The following L3MBTL4 variants were observed in gnomAD, a reference collection of about 807,000 sequenced individuals.
L3MBTL4 encodes the protein lethal(3)malignant brain tumor-like protein 4.
In L3MBTL4, 70 loss-of-function variants were observed where a neutral mutation model predicts 84.5. The observed-to-expected ratio is 0.83, with a 90% confidence interval of 0.68 to 1.01. L3MBTL4 has a LOEUF of 1.01. Ranked by LOEUF, L3MBTL4 falls within the 50% of genes least tolerant of loss-of-function variation. The pLI is 0.00. For synonymous variants in L3MBTL4, 274 were observed against 259.8 expected (o/e 1.05, Z -0.52); for missense variants, 715 against 754.8 (o/e 0.95, Z 0.62).
chr18:6,151,697 A>C (rs1398446444), intron 13 of L3MBTL4, among the ~76,000 whole-genome samples: 1 of 152,136 alleles, frequency 6.6e-6, no homozygotes, highest in Non-Finnish European at 1.5e-5. Context: ...GCCCAGACTA[A>C]TTTTAAAATA....
chr18:6,257,448 G>T (rs1006691783), intron 5 of L3MBTL4, among the ~76,000 whole-genome samples: 1 of 151,998 alleles, frequency 6.6e-6, no homozygotes. Context: ...CTGGAGGTGG[G>T]AAAGAAGGTT....
chr18:5,965,378 T>G (rs949110203), intron 17 of L3MBTL4, among the ~76,000 whole-genome samples: 2 of 152,184 alleles, frequency 1.3e-5, no homozygotes, highest in Admixed American at 6.5e-5. Flanking sequence ...GTGCTTTCAC[T>G]TAACCTTCTG....
intron 1 of L3MBTL4, chr18:6,413,825 G>A (rs1048686457): frequency 6.6e-6 from 1 of 152,260 alleles, no homozygotes; most frequent in Non-Finnish European, 1.5e-5. Context: ...CAATGACCAG[G>A]CCTTCCCTTT....
intron 14 of L3MBTL4, among the ~76,000 whole-genome samples, chr18:6,132,729 A>G (rs540203895): frequency 1.3e-5 from 2 of 152,350 alleles, no homozygotes; most frequent in East Asian, 1.9e-4. Flanking sequence ...AAGAACATCA[A>G]TTAGACCCCA....
chr18:6,291,407 A>G (rs1370601261), intron 4 of L3MBTL4, among the ~76,000 whole-genome samples: 1 of 152,208 alleles, frequency 6.6e-6, no homozygotes, highest in African/African-American at 2.4e-5. Flanking sequence ...CTGAGCAAAA[A>G]GAGCAAAGCT....
At position 6,070,672 on chromosome 18, in the gene L3MBTL4, A is replaced by AG. The variant is rs1474345938; in HGVS notation, c.1444+10208_1444+10209insC. On this transcript the variant is annotated intron_variant, in intron 16 of 18. Transcript: ENST00000317931. ...TCTTTACAAAAAACAAAAAACAAAA[A>AG]ACAAAAAAAACAAAAATTAGCCGGG... Among the ~76,000 whole-genome samples, 33 of 151,698 alleles carry AG rather than the reference A, an allele frequency of 2.2e-4. 2 individuals are homozygous for AG. The highest frequency in any genetic ancestry group is 8.0e-4 in the African/African-American group (33 of 41,418).
intron 4 of L3MBTL4, among the ~76,000 whole-genome samples, chr18:6,293,910 G>A (rs1397501630): frequency 6.6e-6 from 1 of 152,166 alleles, no homozygotes; most frequent in Non-Finnish European, 1.5e-5. Flanking sequence ...GAGGGGACGG[G>A]AGATACACAA....
chr18:6,254,490 A>G (rs981567151), intron 5 of L3MBTL4, among the ~76,000 whole-genome samples: 2 of 149,940 alleles, frequency 1.3e-5, no homozygotes, highest in Non-Finnish European at 2.9e-5. Flanking sequence ...ATTAAACAGA[A>G]CTTGCTACAA....
At chr18:6,221,951 A>C (rs1391582640) in intron 10 of L3MBTL4, among the ~76,000 whole-genome samples, 2 of 152,220 alleles carry the variant, frequency 1.3e-5, no homozygotes, top group African/African-American at 4.8e-5. Flanking sequence ...TCATAGGACC[A>C]AGTGGTCACT....
Position 6,040,677 on chromosome 18 carries a change from G to A in L3MBTL4, c.1444+40204C>T, listed in dbSNP as rs547310234. Among the ~76,000 whole-genome samples, 10 of 152,222 alleles carry A rather than the reference G, an allele frequency of 6.6e-5. No individual in the cohort carries two copies. In the South Asian group the frequency reaches 2.1e-3, roughly 32 times the overall value. On this transcript the variant is annotated intron_variant, in intron 16 of 18. Coordinates refer to ENST00000317931, the MANE Select transcript of L3MBTL4 (RefSeq NM_001330559.2). ...ACAAGGAGTCCTTTGAGTGGCTTAA[G>A]TCACTCAGTGCTTGAAACCTTCATT...
At chr18:6,266,339 T>A (rs528263869) in intron 4 of L3MBTL4, among the ~76,000 whole-genome samples, 11 of 152,346 alleles carry the variant, frequency 7.2e-5, no homozygotes, top group African/African-American at 2.6e-4. Context: ...ATCTATATTT[T>A]AAAAATTATC....
At chr18:6,037,120 T>C (rs1389036436) in intron 16 of L3MBTL4, among the ~76,000 whole-genome samples, 1 of 152,156 alleles carries the variant, frequency 6.6e-6, no homozygotes, top group African/African-American at 2.4e-5. Context: ...GAAGCAGCAA[T>C]CAGCAGTCAG....
chr18:5,989,023 A>G (rs572377414), intron 16 of L3MBTL4, among the ~76,000 whole-genome samples: 1 of 152,324 alleles, frequency 6.6e-6, no homozygotes, highest in South Asian at 2.1e-4. Flanking sequence ...GAGGACTTCC[A>G]CTACTCGCCT....
intron 14 of L3MBTL4, among the ~76,000 whole-genome samples, chr18:6,102,359 T>C (rs2058861666): frequency 6.6e-6 from 1 of 152,174 alleles, no homozygotes; most frequent in Admixed American, 6.5e-5. Context: ...GTCTCTCATC[T>C]CACTCCCTTA....
At chr18:6,177,390 G>C (rs1161643551) in intron 12 of L3MBTL4, among the ~76,000 whole-genome samples, 2 of 152,218 alleles carry the variant, frequency 1.3e-5, no homozygotes, top group African/African-American at 2.4e-5. Flanking sequence ...TGACCCCACT[G>C]ATAGGAAATC....
intron 1 of L3MBTL4, among the ~76,000 whole-genome samples, chr18:6,332,171 A>G (rs1432822769): frequency 6.6e-6 from 1 of 152,190 alleles, no homozygotes; most frequent in Non-Finnish European, 1.5e-5. Context: ...ATTTGAAAGC[A>G]GGGAAATAAT....
intron 4 of L3MBTL4, among the ~76,000 whole-genome samples, chr18:6,297,822 T>C (rs1003460282): frequency 1.3e-5 from 2 of 152,228 alleles, no homozygotes; most frequent in African/African-American, 4.8e-5. Flanking sequence ...CCTGGGGGTC[T>C]CTTCCCCTTA....
chr18:6,139,746 A>G (rs1287248350), intron 13 of L3MBTL4, among the ~76,000 whole-genome samples: 3 of 151,854 alleles, frequency 2.0e-5, no homozygotes, highest in Non-Finnish European at 4.4e-5. Flanking sequence ...ATGGCTTCCC[A>G]CAGCCCTCCA....
chr18:6,183,281 G>A (rs2044564879), intron 12 of L3MBTL4, among the ~76,000 whole-genome samples: 1 of 152,170 alleles, frequency 6.6e-6, no homozygotes, highest in Non-Finnish European at 1.5e-5. Flanking sequence ...CCAGTGTAAA[G>A]ACAAATGATC....
Sources: allele counts gnomAD v4.1 joint callset (sites outside exome capture counted in the v4.1 genomes callset), GRCh38; gene constraint gnomAD v4.1.1; transcripts MANE v1.5; gene names NCBI Gene and HGNC (gene_info 2026-07-23, HGNC 2026-07-21).